CHSY3: variants seen among roughly 807,000 people sequenced by gnomAD.
CHSY3 encodes N-acetylgalactosaminyl-proteoglycan 3-beta-glucuronosyltransferase 3.
Under a neutral mutation model 67.2 loss-of-function variants are expected in CHSY3, and 35 were observed. The observed-to-expected ratio is 0.52, with a 90% CI of 0.40 to 0.69. The LOEUF (loss-of-function observed/expected upper bound fraction) is 0.69, where lower values mean the gene tolerates loss of function less well. Among genes scored for constraint, CHSY3 ranks in the 30% least tolerant of loss-of-function variants. The pLI is 0.00. For missense variants in CHSY3, 1,069 were observed against 1,138.5 expected (o/e 0.94, Z 0.88); for synonymous variants, 474 against 434.7 (o/e 1.09, Z -1.12).
chr5:130,020,462 T>TATATATATATATATATATATA (rs1491353527), intron 2 of CHSY3, among the ~76,000 whole-genome samples: 1 of 15,918 alleles, frequency 6.3e-5, no homozygotes, highest in African/African-American at 2.6e-4. Flanking sequence ...TATATATATA[T>TATATATATATATATATATATA]TTTTTTTTTT....
intron 2 of CHSY3, among the ~76,000 whole-genome samples, chr5:130,027,593 G>T (rs1764583180): frequency 6.6e-6 from 1 of 151,838 alleles, no homozygotes; most frequent in African/African-American, 2.4e-5. Flanking sequence ...TTTACATTAG[G>T]TATATCTCCT....
At chr5:129,933,275 C>T (rs1761377204) in intron 2 of CHSY3, among the ~76,000 whole-genome samples, 1 of 152,068 alleles carries the variant, frequency 6.6e-6, no homozygotes, top group African/African-American at 2.4e-5. Context: ...AAGTAAAATT[C>T]TGTGGAAAGG....
intron 2 of CHSY3, among the ~76,000 whole-genome samples, chr5:130,092,706 A>C (rs1766919763): frequency 6.6e-6 from 1 of 152,176 alleles, no homozygotes; most frequent in Admixed American, 6.6e-5. Context: ...CCAATTACTG[A>C]CACAAGTATT....
chr5:130,145,791 G>T (rs1214688122), intron 2 of CHSY3, among the ~76,000 whole-genome samples: 1 of 151,744 alleles, frequency 6.6e-6, no homozygotes, highest in Non-Finnish European at 1.5e-5. Flanking sequence ...ATGGACAAAT[G>T]ATATTAATAG....
intron 2 of CHSY3, among the ~76,000 whole-genome samples, chr5:129,986,658 A>C (rs6595928): frequency 0.94 from 143,316 of 152,104 alleles, 67,621 homozygotes; most frequent in East Asian, 1. Flanking sequence ...TTATTTATTT[A>C]TTGAGACAGG....
chr5:130,018,994 A>G (rs1170367794), intron 2 of CHSY3, among the ~76,000 whole-genome samples: 1 of 152,046 alleles, frequency 6.6e-6, no homozygotes, highest in East Asian at 1.9e-4. Context: ...GATGCCGCCC[A>G]AAGACCCTCA....
chr5:130,132,390 C>A (rs113629364), intron 2 of CHSY3, among the ~76,000 whole-genome samples: 30 of 152,224 alleles, frequency 2.0e-4, no homozygotes, highest in African/African-American at 6.3e-4. Flanking sequence ...ACAAGTTAAA[C>A]GTGATCATGG....
In CHSY3 at chr5:130,151,436, T is replaced by G. The variant is rs139979735; in HGVS notation, c.1087-32793T>G. Among the ~76,000 whole-genome samples, 299 of 152,310 alleles carry G rather than the reference T, an allele frequency of 2.0e-3. 2 individuals are homozygous for G. The highest frequency in any genetic ancestry group is 6.8e-3 in the Middle Eastern group (2 of 294). ...AGTACTGACATGCTCAAATCATTCT[T>G]TCACACATCCATTCAGCAAATAGTT... On this transcript the variant is annotated intron_variant, in intron 2 of 2. Coordinates refer to ENST00000305031, the MANE Select transcript of CHSY3 (RefSeq NM_175856.5).
At chr5:130,143,732 G>GTA (rs1468717884) in intron 2 of CHSY3, among the ~76,000 whole-genome samples, 1 of 99,288 alleles carries the variant, frequency 1.0e-5, no homozygotes, top group African/African-American at 4.2e-5. Context: ...GTGTGTGTGT[G>GTA]TGTATATATA....
Position 130,044,655 on chromosome 5 carries a change from G to A in CHSY3, c.1086+136295G>A, listed in dbSNP as rs192300872. On this transcript the variant is annotated intron_variant, in intron 2 of 2. Transcript: ENST00000305031. ...ATTTGAGTCAATGAAAAGGATAGAGGAATATAGTCAGAGTGAGATATGTAT... is the reference window on the plus strand; with the variant it reads ...ATTTGAGTCAATGAAAAGGATAGAGAAATATAGTCAGAGTGAGATATGTAT... Among the ~76,000 whole-genome samples, 16 of 152,194 alleles carry A rather than the reference G, an allele frequency of 1.1e-4. 1 individual carries two copies. The East Asian group carries it at 3.1e-3, about 29-fold the overall frequency.
chr5:130,062,182 G>GTA (rs755587362), intron 2 of CHSY3, among the ~76,000 whole-genome samples: 1 of 152,078 alleles, frequency 6.6e-6, no homozygotes, highest in Non-Finnish European at 1.5e-5. Context: ...CGAAAATGTG[G>GTA]TATATATACA....
At chr5:130,083,899 C>A (rs1766520782) in intron 2 of CHSY3, among the ~76,000 whole-genome samples, 2 of 151,030 alleles carry the variant, frequency 1.3e-5, no homozygotes, top group Non-Finnish European at 3.0e-5. Flanking sequence ...TTTCTGTTTT[C>A]TTTTTTTCCT....
At chr5:130,144,144 A>G (rs1018878081) in intron 2 of CHSY3, among the ~76,000 whole-genome samples, 1 of 151,610 alleles carries the variant, frequency 6.6e-6, no homozygotes, top group Non-Finnish European at 1.5e-5. Context: ...AAAAAAAAAA[A>G]TTCACAAGTA....
chr5:130,029,427 T>C (rs1764645685), intron 2 of CHSY3, among the ~76,000 whole-genome samples: 2 of 152,058 alleles, frequency 1.3e-5, no homozygotes, highest in South Asian at 2.1e-4. Context: ...ACTAAGCAAC[T>C]AAGCTGGCAT....
At chr5:130,125,225 G>T (rs77595882) in intron 2 of CHSY3, among the ~76,000 whole-genome samples, 1 of 152,148 alleles carries the variant, frequency 6.6e-6, no homozygotes, top group Non-Finnish European at 1.5e-5. Context: ...TATCACTTAA[G>T]ATTGGACAGA....
chr5:130,112,303 T>G (rs1767615247), intron 2 of CHSY3, among the ~76,000 whole-genome samples: 1 of 152,176 alleles, frequency 6.6e-6, no homozygotes, highest in African/African-American at 2.4e-5. Context: ...AAGTTATTTT[T>G]GTAGTGACTT....
chr5:130,066,260 G>A (rs1278344403), intron 2 of CHSY3, among the ~76,000 whole-genome samples: 2 of 151,962 alleles, frequency 1.3e-5, no homozygotes, highest in Non-Finnish European at 2.9e-5. Flanking sequence ...ACACAACTAT[G>A]CTGGGTATTA....
intron 2 of CHSY3, among the ~76,000 whole-genome samples, chr5:129,921,284 G>A (rs1760916176): frequency 6.6e-6 from 1 of 152,092 alleles, no homozygotes; most frequent in African/African-American, 2.4e-5. Context: ...CTTGACACAA[G>A]CATTATGATA....
chr5:130,101,900 T>C (rs1767256993), intron 2 of CHSY3, among the ~76,000 whole-genome samples: 3 of 152,144 alleles, frequency 2.0e-5, no homozygotes, highest in Admixed American at 2.0e-4. Flanking sequence ...CAAGCTTCAC[T>C]TGCTCCTTTT....
Sources: gnomAD v4.1 joint callset for allele counts (sites outside exome capture counted in the v4.1 genomes callset) on GRCh38, gnomAD v4.1.1 for gene constraint, MANE v1.5 for transcripts, NCBI Gene and HGNC (gene_info 2026-07-23, HGNC 2026-07-21) for gene names.